The following NLGN1 variants were observed in gnomAD, a reference collection of about 807,000 sequenced individuals.
NLGN1 encodes neuroligin-1.
A neutral mutation model predicts 65.5 loss-of-function variants in NLGN1; 12 were observed. That is an observed-to-expected ratio of 0.18 (90% CI 0.12 to 0.30). The LOEUF (loss-of-function observed/expected upper bound fraction) is 0.30. Ranked by LOEUF, NLGN1 falls within the 10% of genes least tolerant of loss-of-function variation. NLGN1 has a pLI of 1.00. For synonymous variants in NLGN1, 350 were observed against 359.5 expected (o/e 0.97, Z 0.30); for missense variants, 750 against 1,007.1 (o/e 0.74, Z 3.46).
chr3:174,064,624 A>T lies in NLGN1; in HGVS notation c.647-210691A>T, dbSNP rs529912899. Among the ~76,000 whole-genome samples the T allele has an allele frequency of 2.0e-3, 295 of 150,388 alleles. 2 individuals are homozygous for T. The highest frequency in any genetic ancestry group is 7.0e-3 in the African/African-American group (287 of 41,210). On this transcript the variant is annotated intron_variant, in intron 4 of 6. Transcript: ENST00000457714. ...TTAATAAGGATATATGAGAATATGT[A>T]TATGTATAATAGGATATATGTGTGA...
At chr3:173,917,367 ACTT>A (rs1409466982) in intron 4 of NLGN1, among the ~76,000 whole-genome samples, 1 of 152,180 alleles carries the variant, frequency 6.6e-6, no homozygotes, top group Non-Finnish European at 1.5e-5. Context: ...AGTCTTAGTT[ACTT>A]CTTTTGTAAA....
intron 3 of NLGN1, among the ~76,000 whole-genome samples, chr3:173,791,199 T>C (rs1712642167): frequency 1.3e-5 from 2 of 152,168 alleles, no homozygotes; most frequent in South Asian, 4.1e-4. Flanking sequence ...CCTGGGAAAT[T>C]GGCCCAGCCA....
intron 4 of NLGN1, among the ~76,000 whole-genome samples, chr3:173,893,884 A>T (rs908948486): frequency 6.6e-6 from 1 of 152,156 alleles, no homozygotes; most frequent in Non-Finnish European, 1.5e-5. Flanking sequence ...TGCACCCTGA[A>T]TACTTATGTT....
chr3:174,266,494 T>C (rs1230146776), intron 4 of NLGN1, among the ~76,000 whole-genome samples: 1 of 152,190 alleles, frequency 6.6e-6, no homozygotes, highest in African/African-American at 2.4e-5. Context: ...GTCTTTGCTA[T>C]TGTGAATAGT....
At chr3:174,111,855 T>C (rs1715296356) in intron 4 of NLGN1, among the ~76,000 whole-genome samples, 2 of 151,972 alleles carry the variant, frequency 1.3e-5, no homozygotes, top group Admixed American at 1.3e-4. Flanking sequence ...AAGGAAAGTA[T>C]GCCATGAAGC....
chr3:173,447,380 C>T (rs902891664), intron 2 of NLGN1, among the ~76,000 whole-genome samples: 37 of 152,174 alleles, frequency 2.4e-4, no homozygotes, highest in East Asian at 5.8e-4. Flanking sequence ...GTTGTAGATA[C>T]ATGGCATTAT....
chr3:173,924,629 A>T (rs1742677813), intron 4 of NLGN1, among the ~76,000 whole-genome samples: 1 of 151,864 alleles, frequency 6.6e-6, no homozygotes, highest in Non-Finnish European at 1.5e-5. Context: ...TCTCAAAAAA[A>T]AAAATAAAAA....
At chr3:173,559,248 C>T (rs189167419) in intron 2 of NLGN1, among the ~76,000 whole-genome samples, 151 of 152,236 alleles carry the variant, frequency 9.9e-4, no homozygotes, top group Non-Finnish European at 1.7e-3. Context: ...ATTCAATAGG[C>T]GAGAATTGAT....
chr3:173,556,850 C>G (rs1333275580), intron 2 of NLGN1, among the ~76,000 whole-genome samples: 1 of 151,928 alleles, frequency 6.6e-6, no homozygotes, highest in Non-Finnish European at 1.5e-5. Flanking sequence ...TGCTATTGTG[C>G]CTGAGAAAAT....
chr3:173,445,588 G>A (rs1055210959), intron 2 of NLGN1, among the ~76,000 whole-genome samples: 4 of 152,270 alleles, frequency 2.6e-5, no homozygotes, highest in Admixed American at 6.5e-5. Context: ...AATTGGTACC[G>A]TCTGCACTAA....
chr3:173,399,586 T>G (rs1225709534), intron 1 of NLGN1: 1 of 152,210 alleles, frequency 6.6e-6, no homozygotes, highest in African/African-American at 2.4e-5. Context: ...ATTTGCAGGG[T>G]GTTGGAAGGC....
chr3:173,650,939 T>G (rs1371619847), intron 3 of NLGN1, among the ~76,000 whole-genome samples: 1 of 152,054 alleles, frequency 6.6e-6, no homozygotes, highest in Non-Finnish European at 1.5e-5. Context: ...TTTTTTTTAT[T>G]ATTTGTATAA....
intron 4 of NLGN1, among the ~76,000 whole-genome samples, chr3:173,888,587 CAGTG>C (rs542828668): frequency 9.0e-4 from 137 of 152,056 alleles, no homozygotes; most frequent in African/African-American, 3.2e-3. Context: ...AACTAAATAG[CAGTG>C]AGCATATTTT....
chr3:173,581,694 A>T (rs566494257), intron 2 of NLGN1, among the ~76,000 whole-genome samples: 30 of 152,068 alleles, frequency 2.0e-4, no homozygotes, highest in Admixed American at 6.5e-4. Flanking sequence ...ACAGTTTTTT[A>T]AAAAAATCTC....
At chr3:173,586,730 C>T (rs1396663908) in intron 2 of NLGN1, among the ~76,000 whole-genome samples, 5 of 152,090 alleles carry the variant, frequency 3.3e-5, no homozygotes, top group African/African-American at 1.2e-4. Context: ...TCTTTTTACT[C>T]TGCTATAACC....
chr3:173,820,142 G>A (rs1378930407), intron 4 of NLGN1, among the ~76,000 whole-genome samples: 2 of 146,418 alleles, frequency 1.4e-5, no homozygotes, highest in Non-Finnish European at 3.0e-5. Context: ...TGGCGCCACT[G>A]CACTCCAGCC....
intron 4 of NLGN1, among the ~76,000 whole-genome samples, chr3:174,151,262 A>G (rs1211732530): frequency 2.0e-5 from 3 of 151,944 alleles, no homozygotes; most frequent in Non-Finnish European, 2.9e-5. Flanking sequence ...ATGTTTTTGT[A>G]TAGTACCTTA....
At chr3:174,222,890 T>C (rs549594295) in intron 4 of NLGN1, among the ~76,000 whole-genome samples, 1 of 152,328 alleles carries the variant, frequency 6.6e-6, no homozygotes, top group African/African-American at 2.4e-5. Context: ...AGTGTTTGTT[T>C]GAAAATATAA....
At chr3:173,459,319 T>C (rs1012307828) in intron 2 of NLGN1, among the ~76,000 whole-genome samples, 1 of 152,186 alleles carries the variant, frequency 6.6e-6, no homozygotes, top group Non-Finnish European at 1.5e-5. Flanking sequence ...GTTTCCACTT[T>C]GTTAGGGATT....
Sources: allele counts gnomAD v4.1 joint callset (sites outside exome capture counted in the v4.1 genomes callset), GRCh38; gene constraint gnomAD v4.1.1; transcripts MANE v1.5; gene names NCBI Gene and HGNC (gene_info 2026-07-23, HGNC 2026-07-21).